The following TMEM51 variants were observed in gnomAD, a reference collection of about 807,000 sequenced individuals.
TMEM51 encodes the protein chromosome 1 open reading frame 72.
A neutral mutation model predicts 13.6 loss-of-function variants in TMEM51; 8 were observed. The ratio of observed to expected loss-of-function variants is 0.59; its 90% CI spans 0.35 to 1.07. The LOEUF (loss-of-function observed/expected upper bound fraction) is 1.07. TMEM51 is among the 50% of genes least tolerant of loss of function. The pLI is 0.02. For missense variants in TMEM51, 279 were observed against 330.7 expected (o/e 0.84, Z 1.21); for synonymous variants, 147 against 144.4 (o/e 1.02, Z -0.13).
Position 15,220,329 on chromosome 1 carries a change from A to G in TMEM51, c.*586A>G, listed in dbSNP as rs549. 0.59 allele frequency: 88,628 copies of G among 149,648 alleles called. 26,982 individuals are homozygous for G. The highest frequency in any genetic ancestry group is 0.91 in the East Asian group (4,598 of 5,048). 9.3% of individuals were successfully genotyped at this position (149,648 alleles called of 1,614,324 possible). ...CCTGATGAACGTAGGCACGTGATGC[A>G]TAATAGTCTTCAATGGTACACTTAA... is the stretch of plus-strand genomic sequence containing the variant. On this transcript the variant is annotated 3_prime_UTR_variant, in exon 4 of 4. Transcript: ENST00000376008.
intron 1 of TMEM51, among the ~76,000 whole-genome samples, chr1:15,172,768 C>T (rs1203388051): frequency 6.6e-6 from 1 of 152,206 alleles, no homozygotes; most frequent in African/African-American, 2.4e-5. Context: ...TTTTAAATTG[C>T]ATCCCATTCT....
chr1:15,179,419 C>T (rs951259115), intron 1 of TMEM51, among the ~76,000 whole-genome samples: 3 of 152,132 alleles, frequency 2.0e-5, no homozygotes, highest in African/African-American at 2.4e-5. Flanking sequence ...GGAAAGGAAA[C>T]GGGATACAGG....
rs145343810 is a variant in TMEM51, at chr1:15,159,553, T to G, written c.-267+5599T>G. 5.2e-3 allele frequency among the ~76,000 whole-genome samples: 788 copies of G among 152,324 alleles called. 6 individuals carry two copies. Among genetic ancestry groups the G allele is most frequent in the African/African-American group, 0.018 (729 of 41,560 alleles). ...TTAATAACCCTGTTCTGGCATTTCT[T>G]TTTTTGTTTTGTTTTGTTTTTTGAG... On this transcript the variant is annotated intron_variant, in intron 1 of 3. Transcript: ENST00000376008.
rs765815480 is a variant in TMEM51, at chr1:15,219,692, G to A, written c.711G>A (p.Pro237=). ...CGATAGAGCCTTTGACTCCTCCACCGCAGTATGATGAAGTCCAGGAGAAGG... is the reference window on the plus strand; with the variant it reads ...CGATAGAGCCTTTGACTCCTCCACCACAGTATGATGAAGTCCAGGAGAAGG... ...PPSIEPLTPP[P]QYDEVQEKAP... is the part of the protein sequence containing the mutation. The change falls in exon 4 of 4, where the codon CCG becomes CCA. Residue 237 remains proline, a synonymous_variant. Transcript: ENST00000376008. 10 of 1,613,790 alleles carry A rather than the reference G, an allele frequency of 6.2e-6. No individual in the cohort carries two copies. The highest frequency in any genetic ancestry group is 7.6e-6 in the Non-Finnish European group (9 of 1,180,020).
chr1:15,187,004 C>T (rs1643798515), intron 1 of TMEM51, among the ~76,000 whole-genome samples: 1 of 152,098 alleles, frequency 6.6e-6, no homozygotes, highest in African/African-American at 2.4e-5. Flanking sequence ...CCGGCAACCC[C>T]ACTGTCGGGG....
chr1:15,162,466 G>T (rs1207520706), intron 1 of TMEM51, among the ~76,000 whole-genome samples: 1 of 152,004 alleles, frequency 6.6e-6, no homozygotes, highest in Non-Finnish European at 1.5e-5. Context: ...CCAGCCTGGG[G>T]ATCAAATTTC....
In TMEM51 at chr1:15,198,778, C is replaced by T. The variant is rs74053441; in HGVS notation, c.-266-11712C>T. ...AAAACATCAGACCAGTGAATTGGCA[C>T]GCTCTCTTTTCTTTCCCTCCAGCAC... On this transcript the variant is annotated intron_variant, in intron 1 of 3. Coordinates refer to ENST00000376008, the MANE Select transcript of TMEM51 (RefSeq NM_001136218.2). 3.2e-3 allele frequency among the ~76,000 whole-genome samples: 485 copies of T among 152,274 alleles called. 4 individuals carry two copies. Among genetic ancestry groups the T allele is most frequent in the African/African-American group, 0.011 (466 of 41,544 alleles).
At chr1:15,158,382 G>A (rs1169720744) in intron 1 of TMEM51, among the ~76,000 whole-genome samples, 6 of 152,296 alleles carry the variant, frequency 3.9e-5, no homozygotes, top group South Asian at 4.2e-4. Context: ...GGTGTGATGC[G>A]TGTGACCCAA....
intron 1 of TMEM51, among the ~76,000 whole-genome samples, chr1:15,196,224 G>A (rs971578405): frequency 1.3e-5 from 2 of 152,176 alleles, no homozygotes; most frequent in Admixed American, 1.3e-4. Context: ...CTGCCGTGCT[G>A]TGCCAGAGTG....
Position 15,215,102 on chromosome 1 carries a change from C to T in TMEM51, c.15C>T (p.Ser5=), listed in dbSNP as rs535574712. 1.2e-6 allele frequency: 2 copies of T among 1,610,746 alleles called. No individual in the cohort carries two copies. The highest frequency in any genetic ancestry group is 2.7e-5 in the African/African-American group (2 of 74,908). Residue 5 remains serine (S), a synonymous_variant, in exon 3 of 4, where the codon TCC becomes TCT. Transcript: ENST00000376008. ...CTCCCACTGACATGATGGCCCAGTC[C>T]AAGGCCAATGGCTCGCACTATGCGC... MMAQ[S]KANGSHYALT...
At chr1:15,218,205 G>T (rs1337623793) in intron 3 of TMEM51, among the ~76,000 whole-genome samples, 2 of 152,214 alleles carry the variant, frequency 1.3e-5, no homozygotes, top group African/African-American at 4.8e-5. Context: ...GAGAGGACCT[G>T]ATCTTTTTGA....
intron 1 of TMEM51, among the ~76,000 whole-genome samples, chr1:15,184,535 T>C (rs1643713524): frequency 1.3e-5 from 2 of 152,112 alleles, no homozygotes; most frequent in Admixed American, 6.5e-5. Flanking sequence ...TAGAAGCTCA[T>C]TTTGGCTGCT....
intron 1 of TMEM51, among the ~76,000 whole-genome samples, chr1:15,196,950 C>T (rs1218962149): frequency 1.3e-5 from 2 of 152,194 alleles, no homozygotes; most frequent in African/African-American, 2.4e-5. Flanking sequence ...AATGAATGAG[C>T]TCTTATCACT....
At chr1:15,169,480 G>A (rs1643158094) in intron 1 of TMEM51, among the ~76,000 whole-genome samples, 1 of 152,044 alleles carries the variant, frequency 6.6e-6, no homozygotes, top group Non-Finnish European at 1.5e-5. Flanking sequence ...TGAAATAAAT[G>A]TGCGTGAGAC....
At chr1:15,176,500 G>C (rs565946644) in intron 1 of TMEM51, among the ~76,000 whole-genome samples, 1 of 152,346 alleles carries the variant, frequency 6.6e-6, no homozygotes, top group Admixed American at 6.5e-5. Flanking sequence ...TGTGGAAGGA[G>C]AGGCCTTCAG....
chr1:15,167,710 G>A (rs78121078), intron 1 of TMEM51, among the ~76,000 whole-genome samples: 2,238 of 152,234 alleles, frequency 0.015, 62 homozygotes, highest in African/African-American at 0.05. Context: ...TGGAACTTCA[G>A]TGACCTATGT....
At chr1:15,184,777 G>T (rs573758068) in intron 1 of TMEM51, among the ~76,000 whole-genome samples, 4 of 152,034 alleles carry the variant, frequency 2.6e-5, no homozygotes, top group African/African-American at 9.6e-5. Flanking sequence ...AAACTCAATA[G>T]TATAGAGTAT....
At chr1:15,175,039 C>T (rs1643412022) in intron 1 of TMEM51, among the ~76,000 whole-genome samples, 1 of 152,176 alleles carries the variant, frequency 6.6e-6, no homozygotes, top group Admixed American at 6.5e-5. Context: ...TCCTCTGTCC[C>T]CTTCATCTCT....
intron 1 of TMEM51, among the ~76,000 whole-genome samples, chr1:15,158,399 A>G (rs550075364): frequency 2.4e-4 from 37 of 152,280 alleles, no homozygotes; most frequent in African/African-American, 8.4e-4. Context: ...CCAAATTCAT[A>G]CAGAGGGAGG....
Sources: gnomAD v4.1 joint callset for allele counts (sites outside exome capture counted in the v4.1 genomes callset) on GRCh38, gnomAD v4.1.1 for gene constraint, MANE v1.5 for transcripts, NCBI Gene and HGNC (gene_info 2026-07-23, HGNC 2026-07-21) for gene names.